PIEZO1: variants seen among roughly 807,000 people sequenced by gnomAD.
The protein encoded by PIEZO1 is piezo type mechanosensitive ion channel component 1 (Er blood group).
PIEZO1 carries 296 observed loss-of-function variants against 297.2 expected under a neutral mutation model. The ratio of observed to expected loss-of-function variants is 1.00; its 90% CI spans 0.91 to 1.10. PIEZO1 has a LOEUF of 1.10. PIEZO1 is among the 50% of genes least tolerant of loss of function. The pLI, the probability that PIEZO1 is intolerant of heterozygous loss-of-function variation, is 0.00. For missense variants in PIEZO1, 5,018 were observed against 3,455.5 expected (o/e 1.45, Z -11.34); for synonymous variants, 2,427 against 1,507.5 (o/e 1.61, Z -14.13).
intron 1 of PIEZO1, among the ~76,000 whole-genome samples, chr16:88,766,358 C>T (rs528617684): frequency 1.3e-5 from 2 of 152,202 alleles, no homozygotes; most frequent in Non-Finnish European, 2.9e-5. Context: ...CTCTTGACAG[C>T]CAGCGCGCCC....
chr16:88,766,212 C>T (rs1220870492), intron 1 of PIEZO1, among the ~76,000 whole-genome samples: 2 of 152,208 alleles, frequency 1.3e-5, no homozygotes, highest in East Asian at 3.9e-4. Context: ...TTTAAATCAG[C>T]AGACGGCATG....
rs771739616 is a variant in PIEZO1 at position 88,733,695 on chromosome 16, C to T, written c.2380G>A (p.Gly794Ser). The T allele has an allele frequency of 7.7e-6, 12 of 1,548,966 alleles. No homozygotes were observed. Among genetic ancestry groups the T allele is most frequent in the South Asian group, 3.6e-5 (3 of 83,928 alleles). Residue 794 changes from glycine to serine, a missense_variant, in exon 18 of 51, where the codon GGC becomes AGC. Physicochemically the swap from Gly to Ser is moderately conservative, Grantham distance 56. Transcript: ENST00000301015. ...VAERLLELAA[G>S]FSDVLSRVQV... ...ACGCGTGAGAGGACGTCCGAGAAGC[C>T]GGCTGCCAGCTCCAGCAGCCGCTCA...
At position 88,719,721 on chromosome 16, in the gene PIEZO1, C is replaced by T. The variant is rs1351705162; in HGVS notation, c.6324G>A (p.Gly2108=). 6.4e-7 allele frequency: 1 copy of T among 1,550,830 alleles called. No homozygotes were observed. The highest frequency in any genetic ancestry group is 1.4e-5 in the African/African-American group (1 of 73,062). Residue 2108 remains glycine, a splice_region_variant and synonymous_variant, in exon 44 of 51, where the codon GGG becomes GGA. Transcript: ENST00000301015. ...YNHLNLFLFQ[G]FRLVPFLVEL... is the part of the protein sequence containing the mutation. Reference sequence around the variant, plus strand: ...CCACCAGGAACGGCACCAGCCGGAACCTGCCCACAGCCAGGGTTCCCGTCA... The same window carrying T: ...CCACCAGGAACGGCACCAGCCGGAATCTGCCCACAGCCAGGGTTCCCGTCA...
At position 88,716,108 on chromosome 16, in the gene PIEZO1, C is replaced by G. The variant is rs1388502360; in HGVS notation, c.7141G>C (p.Asp2381His). 2 of 1,545,572 alleles carry G rather than the reference C, an allele frequency of 1.3e-6. No homozygotes were observed. Among genetic ancestry groups the G allele is most frequent in the African/African-American group, 2.7e-5 (2 of 72,988 alleles). The change falls in exon 50 of 51, where the codon GAC (aspartate) becomes CAC (histidine). Residue 2381 changes from aspartate to histidine, a missense_variant. Transcript: ENST00000301015. ...VKQLQPNEEA[D>H]YLGVRIQLRR... ...AGCTGGATACGCACGCCGAGGTAGTCGGCCTCCTCATCTGGGATGGAGGGA... is the reference window on the plus strand; with the variant it reads ...AGCTGGATACGCACGCCGAGGTAGTGGGCCTCCTCATCTGGGATGGAGGGA...
chr16:88,726,004 G>C (rs916332611), intron 27 of PIEZO1: 3 of 568,114 alleles, frequency 5.3e-6, no homozygotes, highest in Non-Finnish European at 9.4e-6. Context: ...CCTCCCGCTG[G>C]TGGAGAAACT....
At chr16:88,723,579 G>A (rs75836451) in intron 31 of PIEZO1, among the ~76,000 whole-genome samples, 148 of 152,394 alleles carry the variant, frequency 9.7e-4, no homozygotes, top group African/African-American at 3.3e-3. Context: ...AGGACAGCCA[G>A]GCGGCCAGCA....
In PIEZO1 at chr16:88,721,401, G is replaced by C. The variant is rs1351344839; in HGVS notation, c.5433C>G (p.Asp1811Glu). The change falls in exon 39 of 51, where the codon GAC becomes GAG. Residue 1811 changes from aspartate (D) to glutamate (E), a missense_variant. Asp to Glu is a conservative substitution (Grantham distance 45, BLOSUM62 2). Coordinates refer to ENST00000301015, the MANE Select transcript of PIEZO1 (RefSeq NM_001142864.4). The stretch of plus-strand genomic sequence containing the variant: ...TCTTGTCATGCTCCTTGGATGGTGA[G>C]TCCTCCTCATGGTCCCAGAGGCCAT... The part of the protein sequence containing the change: ...LCYGLWDHEE[D>E]SPSKEHDKSG... 3.9e-6 allele frequency: 6 copies of C among 1,549,780 alleles called. No homozygotes were observed. Among genetic ancestry groups the C allele is most frequent in the Middle Eastern group, 3.3e-4 (2 of 5,982 alleles).
Position 88,723,875 on chromosome 16 carries a change from A to T in PIEZO1, c.4331T>A (p.Phe1444Tyr). The T allele has an allele frequency of 6.6e-7, 1 of 1,516,594 alleles. No individual in the cohort carries two copies. Among genetic ancestry groups the T allele is most frequent in the Non-Finnish European group, 9.0e-7 (1 of 1,116,062 alleles). The allele number at this position is 1,516,594 out of a possible 1,614,324, so 93.9% of individuals were successfully genotyped here. A position where few individuals can be genotyped will look rare whatever the true frequency, so the allele number is the denominator to read the frequency against. ...GACGGGGCTCTCCCACCTCACCTGG[A>T]AGGCACTCTGTGCCGACGGCCTCGG... ...EDPRPSAQSA[F>Y]QLAYQAWVTN... Residue 1444 changes from phenylalanine to tyrosine, a missense_variant, in exon 31 of 51, where the codon TTC becomes TAC. Physicochemically the swap from Phe to Tyr is conservative, Grantham distance 22 (BLOSUM62 3). Transcript: ENST00000301015.
rs374973626 is a variant in PIEZO1, at chr16:88,717,407, C to T, written c.6472-196G>A. 1.2e-4 allele frequency: 76 copies of T among 646,502 alleles called. 1 individual carries two copies. Among genetic ancestry groups the T allele is most frequent in the Admixed American group, 3.9e-4 (17 of 44,046 alleles). The allele number at this position is 646,502 out of a possible 1,614,324, so 40.0% of individuals were successfully genotyped here. A position where few individuals can be genotyped will look rare whatever the true frequency, so the allele number is the denominator to read the frequency against. On this transcript the variant is annotated intron_variant, in intron 44 of 50. Coordinates refer to ENST00000301015, the MANE Select transcript of PIEZO1 (RefSeq NM_001142864.4). ...AGTTGGAACCCTCATGTTCAGGGGT[C>T]GTTGATCTTAGACAAGGGAGCTGTG...
intron 1 of PIEZO1, among the ~76,000 whole-genome samples, chr16:88,771,028 T>C (rs1907402584): frequency 6.6e-6 from 1 of 152,116 alleles, no homozygotes; most frequent in African/African-American, 2.4e-5. Flanking sequence ...CTCCACCCTA[T>C]CACGTCTTGC....
intron 23 of PIEZO1, 146 bp downstream of exon 23, chr16:88,727,411 C>T (rs1003995877): frequency 1.9e-5 from 12 of 647,772 alleles, no homozygotes; most frequent in Middle Eastern, 4.0e-4. Context: ...TGCGTGCGTG[C>T]GTGCGAGGTC....
chr16:88,727,287 G>C, intron 23 of PIEZO1, 95 bp from the exon 24 acceptor site: 1 of 1,356,640 alleles, frequency 7.4e-7, no homozygotes, highest in Middle Eastern at 2.7e-4. Context: ...GCCTGTCGGC[G>C]TGCAGCCGCT....
intron 1 of PIEZO1, among the ~76,000 whole-genome samples, chr16:88,767,433 A>G (rs958864830): frequency 1.3e-5 from 2 of 152,016 alleles, no homozygotes; most frequent in African/African-American, 4.8e-5. Flanking sequence ...CTGAGGCAGG[A>G]AGGAAGGGGA....
intron 32 of PIEZO1, 36 bp from the exon 33 acceptor site, chr16:88,723,187 C>T (rs769063977): frequency 1.9e-5 from 30 of 1,549,164 alleles, no homozygotes; most frequent in Admixed American, 3.9e-5. Flanking sequence ...CTGGCAGTCC[C>T]GCGGCTTCCC....
At position 88,723,207 on chromosome 16, in the gene PIEZO1, C is replaced by G; in HGVS notation, c.4438+19G>C. On this transcript the variant is annotated intron_variant, in intron 32 of 50. Coordinates refer to ENST00000301015, the MANE Select transcript of PIEZO1 (RefSeq NM_001142864.4). ...AGTCCCGCGGCTTCCCCTCAGAGTC[C>G]CCACGCCCCCCAGCTCACCTGTGGG... 1 of 1,548,644 alleles carries G rather than the reference C, an allele frequency of 6.5e-7. No individual in the cohort carries two copies. Among genetic ancestry groups the G allele is most frequent in the Non-Finnish European group, 8.7e-7 (1 of 1,146,832 alleles).
chr16:88,725,397 C>T lies in PIEZO1; in HGVS notation c.4162+19G>A, dbSNP rs773526006. 3.1e-5 allele frequency: 43 copies of T among 1,390,254 alleles called. No homozygotes were observed. Among genetic ancestry groups the T allele is most frequent in the South Asian group, 6.0e-5 (4 of 67,048 alleles). The allele number at this position is 1,390,254 out of a possible 1,614,324, so 86.1% of individuals were successfully genotyped here. On this transcript the variant is annotated intron_variant, in intron 29 of 50. Transcript: ENST00000301015. The stretch of plus-strand genomic sequence containing the variant: ...TGCTGGACACGGGGCCCTGGGTGCC[C>T]GACTCCAGCTGCACTCACCTGGCTC...
At chr16:88,724,388 G>C (rs59914117) in intron 30 of PIEZO1, among the ~76,000 whole-genome samples, 5,292 of 152,236 alleles carry the variant, frequency 0.035, 294 homozygotes, top group African/African-American at 0.12. Flanking sequence ...AAAATTAGCT[G>C]GGCGTGGTGG....
At position 88,741,583 on chromosome 16, in the gene PIEZO1, C is replaced by T. The variant is rs555991841; in HGVS notation, c.360G>A (p.Arg120=). ...LDLKDIPNAI[R]LVAPDLGILV... ...AGATGCCCAGGTCAGGGGCCACCAG[C>T]CGGATGGCGTTGGGGATGTCCTTCA... Residue 120 remains arginine, a synonymous_variant, in exon 5 of 51, where the codon CGG becomes CGA. Transcript: ENST00000301015. 1 of 1,535,300 alleles carries T rather than the reference C, an allele frequency of 6.5e-7. No individual in the cohort carries two copies. The highest frequency in any genetic ancestry group is 8.7e-7 in the Non-Finnish European group (1 of 1,146,668).
chr16:88,750,881 C>G (rs368347186), intron 1 of PIEZO1, among the ~76,000 whole-genome samples: 1 of 152,008 alleles, frequency 6.6e-6, no homozygotes, highest in East Asian at 1.9e-4. Context: ...CACCCACCCT[C>G]CAGCCTCAGG....
Sources: gnomAD v4.1 joint callset for allele counts (sites outside exome capture counted in the v4.1 genomes callset) on GRCh38, gnomAD v4.1.1 for gene constraint, MANE v1.5 for transcripts, NCBI Gene and HGNC (gene_info 2026-07-23, HGNC 2026-07-21) for gene names.